Variants in PKD1 observed in about 807,000 individuals in gnomAD.
PKD1 encodes the protein polycystin-1.
In PKD1, 81 loss-of-function variants were observed where a neutral mutation model predicts 361.7. The observed-to-expected ratio is 0.22, with a 90% CI of 0.19 to 0.27. The LOEUF is 0.27. Ranked by LOEUF, PKD1 falls within the 10% of genes least tolerant of loss-of-function variation. PKD1 has a pLI of 1.00. For synonymous variants in PKD1, 3,615 were observed against 2,818.3 expected (o/e 1.28, Z -8.95); for missense variants, 6,399 against 6,118.3 (o/e 1.05, Z -1.53).
At chr16:2,105,685 C>G (rs1056786276) in intron 20 of PKD1, 180 bp downstream of exon 20, 4 of 1,334,448 alleles carry the variant, frequency 3.0e-6, no homozygotes, top group Non-Finnish European at 3.1e-6. Flanking sequence ...AAGCAGACGC[C>G]GGAGAGGGCC....
In PKD1 at chr16:2,119,046, G is replaced by A. The variant is rs576737724; in HGVS notation, c.359+68C>T. ...GCCTGGAAGGGGACACGGACCAACTGGGAGGGCAGAAGGGATATTGGGGGC... is the reference window on the plus strand; with the variant it reads ...GCCTGGAAGGGGACACGGACCAACTAGGAGGGCAGAAGGGATATTGGGGGC... On this transcript the variant is annotated intron_variant, in intron 3 of 45. Coordinates refer to ENST00000262304, the MANE Select transcript of PKD1 (RefSeq NM_001009944.3). The A allele has an allele frequency of 1.3e-4, 125 of 976,990 alleles. 1 individual carries two copies. The South Asian group carries it at 1.3e-3, about 10-fold the overall frequency. 60.5% of individuals were successfully genotyped at this position (976,990 alleles called of 1,614,324 possible).
intron 37 of PKD1, 57 bp downstream of exon 37, chr16:2,093,487 G>T: frequency 1.4e-6 from 2 of 1,475,256 alleles, no homozygotes; most frequent in East Asian, 4.8e-5. Flanking sequence ...GTGCATGGGT[G>T]GGAGGTGGGA....
chr16:2,100,339 C>G lies in PKD1; in HGVS notation c.9569-30G>C, dbSNP rs370835086. ...AGAGGCGCAGGAGGGAGGTCAGGCT[C>G]GCAGGGCGCCCCAATGCGGGGGCAG... is the stretch of plus-strand genomic sequence containing the variant. On this transcript the variant is annotated intron_variant, in intron 27 of 45. Coordinates refer to ENST00000262304, the MANE Select transcript of PKD1 (RefSeq NM_001009944.3). The surrounding 1 kb of genome is among the most constrained non-coding windows in gnomAD (Gnocchi z 4.4). 194 of 1,610,504 alleles carry G rather than the reference C, an allele frequency of 1.2e-4. No homozygotes were observed. In the African/African-American group the frequency reaches 2.5e-3, roughly 20 times the overall value.
rs777637751 is a variant in PKD1 at position 2,116,935 on chromosome 16, G to T, written c.1504C>A (p.Pro502Thr). 8 of 1,516,178 alleles carry T rather than the reference G, an allele frequency of 5.3e-6. No homozygotes were observed. Among genetic ancestry groups the T allele is most frequent in the South Asian group, 3.5e-5 (3 of 84,858 alleles). 93.9% of individuals were successfully genotyped at this position (1,516,178 alleles called of 1,614,324 possible). A position where few individuals can be genotyped will look rare whatever the true frequency, so the allele number is the denominator to read the frequency against. The change falls in exon 7 of 46, where the codon CCA becomes ACA. Residue 502 changes from proline (P) to threonine (T), a missense_variant. Physicochemically the swap from Pro to Thr is conservative, Grantham distance 38. Transcript: ENST00000262304. ...CQNWLPGEPH[P>T]ATAEHCVRLG... ...CGGACGCAGTGCTCGGCTGTGGCTGGGTGTGGCTCCCCGGGCAGCCAGTTC... is the reference window on the plus strand; with the variant it reads ...CGGACGCAGTGCTCGGCTGTGGCTGTGTGTGGCTCCCCGGGCAGCCAGTTC...
rs201085734 is a variant in PKD1 at position 2,092,142 on chromosome 16, G to A, written c.11316C>T (p.Ala3772=). 9 of 1,612,472 alleles carry A rather than the reference G, an allele frequency of 5.6e-6. No individual in the cohort carries two copies. Among genetic ancestry groups the A allele is most frequent in the African/African-American group, 2.7e-5 (2 of 74,920 alleles). The change falls in exon 40 of 46, where the codon GCC becomes GCT. Residue 3772 remains alanine, a synonymous_variant. Coordinates refer to ENST00000262304, the MANE Select transcript of PKD1 (RefSeq NM_001009944.3). ...PPGPRVHTCS[A]AGGFSTSDYD... is the part of the protein sequence containing the mutation. ...AATCGCTGGTGCTGAAGCCTCCTGC[G>A]GCCGAGCACGTGTGGACCCTGGGGC...
chr16:2,110,159 T>C lies in PKD1; in HGVS notation c.5008A>G (p.Arg1670Gly), dbSNP rs1275257576. ...TNVSYSWTAW[R>G]DRGPALAGSG... ...CCGGCCAGGGCCGGGCCCCTGTCCCTCCAGGCAGTCCAGCTGTAGGAGACG... is the reference window on the plus strand; with the variant it reads ...CCGGCCAGGGCCGGGCCCCTGTCCCCCCAGGCAGTCCAGCTGTAGGAGACG... The change falls in exon 15 of 46, where the codon AGG becomes GGG. Residue 1670 changes from arginine to glycine, a missense_variant. Coordinates refer to ENST00000262304, the MANE Select transcript of PKD1 (RefSeq NM_001009944.3). 5.0e-6 allele frequency: 8 copies of C among 1,610,470 alleles called. No individual in the cohort carries two copies. In the African/African-American group the frequency reaches 5.3e-5, roughly 11 times the overall value.
chr16:2,114,691 G>A lies in PKD1; in HGVS notation c.2332C>T (p.Leu778Phe). The change falls in exon 11 of 46, where the codon CTC (leucine) becomes TTC (phenylalanine). Residue 778 changes from leucine to phenylalanine, a missense_variant. Transcript: ENST00000262304. ...GGCCTCAAGCCCAGCAGCACGGTGAGCTGTTCCGTGGCTGCAAGCAGCCGC... is the reference window on the plus strand; with the variant it reads ...GGCCTCAAGCCCAGCAGCACGGTGAACTGTTCCGTGGCTGCAAGCAGCCGC... ...ALRLLAATEQ[L>F]TVLLGLRPNP... 6.5e-7 allele frequency: 1 copy of A among 1,537,560 alleles called. No individual in the cohort carries two copies. The highest frequency in any genetic ancestry group is 2.4e-5 in the East Asian group (1 of 41,120).
chr16:2,114,100 C>T (rs563788909), intron 11 of PKD1, 70 bp downstream of exon 11: 42 of 1,279,664 alleles, frequency 3.3e-5, no homozygotes, highest in South Asian at 6.2e-5. Context: ...CCAGGCCTCA[C>T]GCCCTGTGTG....
chr16:2,118,630 C>G lies in PKD1; in HGVS notation c.529+46G>C. Reference sequence around the variant, plus strand: ...CCCAGTGTCTGCAGGGCCCAGGTCCCACCTGGCTGGGAAGGACAGAGCTGG... The same window carrying G: ...CCCAGTGTCTGCAGGGCCCAGGTCCGACCTGGCTGGGAAGGACAGAGCTGG... On this transcript the variant is annotated intron_variant, in intron 4 of 45. Coordinates refer to ENST00000262304, the MANE Select transcript of PKD1 (RefSeq NM_001009944.3). The surrounding 1 kb of genome is among the most constrained non-coding windows in gnomAD (Gnocchi z 6.0). 2 of 1,031,024 alleles carry G rather than the reference C, an allele frequency of 1.9e-6. No homozygotes were observed. The highest frequency in any genetic ancestry group is 2.9e-6 in the Non-Finnish European group (2 of 686,908). The allele number at this position is 1,031,024 out of a possible 1,614,324, so 63.9% of individuals were successfully genotyped here. A position where few individuals can be genotyped will look rare whatever the true frequency, so the allele number is the denominator to read the frequency against.
chr16:2,109,059 C>T lies in PKD1; in HGVS notation c.6108G>A (p.Leu2036=), dbSNP rs1832376523. ...VTYTPVAAGL[L]EIQVRAFNAL... The stretch of plus-strand genomic sequence containing the variant: ...CGTTGAAGGCGCGCACCTGGATCTC[C>T]AACAGCCCCGCGGCCACGGGCGTGT... The change falls in exon 15 of 46, where the codon TTG becomes TTA. Residue 2036 remains leucine (L), a synonymous_variant. Coordinates refer to ENST00000262304, the MANE Select transcript of PKD1 (RefSeq NM_001009944.3). The T allele has an allele frequency of 6.2e-7, 1 of 1,606,724 alleles. No homozygotes were observed. Among genetic ancestry groups the T allele is most frequent in the African/African-American group, 1.3e-5 (1 of 74,828 alleles).
chr16:2,101,037 G>A (rs190307114), intron 26 of PKD1, among the ~76,000 whole-genome samples: 1 of 152,024 alleles, frequency 6.6e-6, no homozygotes, highest in African/African-American at 2.4e-5. Context: ...CCAGGCTGGA[G>A]TGCAGTGGCG....
At position 2,097,389 on chromosome 16, in the gene PKD1, C is replaced by G. The variant is rs771880960; in HGVS notation, c.10335G>C (p.Gly3445=). The G allele has an allele frequency of 2.9e-5, 47 of 1,611,142 alleles. No homozygotes were observed. Among genetic ancestry groups the G allele is most frequent in the Admixed American group, 6.7e-5 (4 of 59,996 alleles). Residue 3445 remains glycine (G), a synonymous_variant, in exon 33 of 46, where the codon GGG becomes GGC. Coordinates refer to ENST00000262304, the MANE Select transcript of PKD1 (RefSeq NM_001009944.3). ...AGAAGCCGTCCTCCTCTGGGCCCAG[C>G]CCATGGCCCGCCTGGCCCCGTGCCA... is the stretch of plus-strand genomic sequence containing the variant. The part of the protein sequence containing the change: ...RQLARGQAGH[G]LGPEEDGFSL...
chr16:2,133,206 C>T (rs992812519), intron 1 of PKD1: 2 of 150,368 alleles, frequency 1.3e-5, no homozygotes, highest in Non-Finnish European at 3.0e-5. Flanking sequence ...CGTCTCCCCA[C>T]GAAGCTTCGA....
intron 16 of PKD1, chr16:2,107,401 A>T (rs2092378536): frequency 5.5e-6 from 2 of 360,890 alleles, no homozygotes; most frequent in South Asian, 2.3e-5. Context: ...GAAGACCCCC[A>T]ATCAGGCCAG....
chr16:2,118,782 C>T lies in PKD1; in HGVS notation c.423G>A (p.Glu141=), dbSNP rs9932419. ...GCTGCACCACCCGCACCTGCTGCTC[C>T]TCCGCCCATCGCGGCAGCCACGCCA... ...CGLAWLPRWA[E]EQQVRVVQPE... is the part of the protein sequence containing the mutation. The change falls in exon 4 of 46, where the codon GAG becomes GAA. Residue 141 remains glutamate (E), a synonymous_variant. Transcript: ENST00000262304. This position sits in a 1 kb window ranked among gnomAD's most constrained non-coding sequence, Gnocchi z 6.0. The T allele has an allele frequency of 7.0e-4, 1,023 of 1,466,134 alleles. 3 individuals carry two copies. Among genetic ancestry groups the T allele is most frequent in the Middle Eastern group, 2.1e-3 (9 of 4,242 alleles). The allele number at this position is 1,466,134 out of a possible 1,614,324, so 90.8% of individuals were successfully genotyped here.
intron 1 of PKD1, among the ~76,000 whole-genome samples, chr16:2,131,147 C>T (rs1322255000): frequency 6.6e-6 from 1 of 152,200 alleles, no homozygotes; most frequent in African/African-American, 2.4e-5. Context: ...GCGAGAAATC[C>T]AGGCTGCAGG....
chr16:2,092,816 A>G lies in PKD1; in HGVS notation c.11156+138T>C, dbSNP rs1011142832. The G allele has an allele frequency of 4.6e-6, 5 of 1,082,942 alleles. No individual in the cohort carries two copies. The African/African-American group carries it at 7.7e-5, about 17-fold the overall frequency. 67.1% of individuals were successfully genotyped at this position (1,082,942 alleles called of 1,614,324 possible). A position where few individuals can be genotyped will look rare whatever the true frequency, so the allele number is the denominator to read the frequency against. On this transcript the variant is annotated intron_variant, in intron 38 of 45. Coordinates refer to ENST00000262304, the MANE Select transcript of PKD1 (RefSeq NM_001009944.3). ...GGACCTGTGTCCCTCCCCTCTGCCTACTGATGCCAGCAGCACCTACCTCCA... is the reference window on the plus strand; with the variant it reads ...GGACCTGTGTCCCTCCCCTCTGCCTGCTGATGCCAGCAGCACCTACCTCCA...
chr16:2,130,224 G>C (rs879231439), intron 1 of PKD1, among the ~76,000 whole-genome samples: 2 of 152,334 alleles, frequency 1.3e-5, no homozygotes, highest in South Asian at 2.1e-4. Flanking sequence ...AGGCCAGCTG[G>C]ACATGCAGGA....
Position 2,119,374 on chromosome 16 carries a change from C to T in PKD1, c.220G>A (p.Val74Ile), listed in dbSNP as rs1048339818. Residue 74 changes from valine to isoleucine, a missense_variant, in exon 2 of 46, where the codon GTC becomes ATC. Physicochemically the swap from Val to Ile is conservative, Grantham distance 29. Transcript: ENST00000262304. ...RIPADATALD[V>I]SHNLLRALDV... Reference sequence around the variant, plus strand: ...AGCGCCCGGAGCAGGTTGTGGGAGACGTCTCTGAGGAGTGAGTGGCCGTGG... The same window carrying T: ...AGCGCCCGGAGCAGGTTGTGGGAGATGTCTCTGAGGAGTGAGTGGCCGTGG... 6.8e-6 allele frequency: 10 copies of T among 1,474,026 alleles called. No homozygotes were observed. The East Asian group carries it at 7.4e-5, about 11-fold the overall frequency. The allele number at this position is 1,474,026 out of a possible 1,614,324, so 91.3% of individuals were successfully genotyped here.
Sources: gnomAD v4.1 joint callset for allele counts (sites outside exome capture counted in the v4.1 genomes callset) on GRCh38, gnomAD v4.1.1 for gene constraint, Gnocchi (gnomAD v3.1) non-coding constraint, MANE v1.5 for transcripts, NCBI Gene and HGNC (gene_info 2026-07-23, HGNC 2026-07-21) for gene names.